The following CCDC171 variants were observed in gnomAD, a reference collection of about 807,000 sequenced individuals.
CCDC171 encodes the protein coiled-coil domain containing 171, also known as coiled-coil domain-containing protein 171.
A neutral mutation model predicts 168.2 loss-of-function variants in CCDC171; 177 were observed. The ratio of observed to expected loss-of-function variants is 1.05; its 90% CI spans 0.93 to 1.19. The LOEUF (loss-of-function observed/expected upper bound fraction) is 1.19, where lower values mean the gene tolerates loss of function less well. Among genes scored for constraint, CCDC171 ranks in the 50% most tolerant of loss-of-function variants. The probability of loss-of-function intolerance (pLI) is 0.00; values close to 1 mark genes in which losing one functional copy is unlikely to be tolerated. For missense variants in CCDC171, 1,991 were observed against 1,539.0 expected (o/e 1.29, Z -4.91); for synonymous variants, 687 against 540.8 (o/e 1.27, Z -3.75).
intron 25 of CCDC171, among the ~76,000 whole-genome samples, chr9:15,952,391 A>G (rs1049382833): frequency 1.3e-5 from 2 of 151,968 alleles, no homozygotes; most frequent in Non-Finnish European, 2.9e-5. Context: ...ATGAGTTTTA[A>G]GATGGATTTT....
At chr9:15,935,686 AT>A (rs1049705647) in intron 25 of CCDC171, among the ~76,000 whole-genome samples, 7 of 152,086 alleles carry the variant, frequency 4.6e-5, no homozygotes, top group African/African-American at 9.7e-5. Context: ...TAATAAAAAA[AT>A]GTATTAGCGT....
At chr9:15,660,619 A>G (rs980059604) in intron 8 of CCDC171, among the ~76,000 whole-genome samples, 17 of 152,186 alleles carry the variant, frequency 1.1e-4, no homozygotes, top group Admixed American at 4.6e-4. Flanking sequence ...AAGGGCTTCC[A>G]GCTGCATCCA....
Position 15,777,840 on chromosome 9 carries a change from T to G in CCDC171, c.2898+14T>G, listed in dbSNP as rs780401745. On this transcript the variant is annotated intron_variant, in intron 19 of 25. Coordinates refer to ENST00000380701, the MANE Select transcript of CCDC171 (RefSeq NM_173550.4). The stretch of plus-strand genomic sequence containing the variant: ...GTGCCCATTACGGTATGTATACACT[T>G]TCATTTAGTAGTAACCTAAGAACTT... The G allele has an allele frequency of 8.5e-6, 13 of 1,529,730 alleles. No homozygotes were observed. Among genetic ancestry groups the G allele is most frequent in the Non-Finnish European group, 1.1e-5 (13 of 1,131,624 alleles). The allele number at this position is 1,529,730 out of a possible 1,614,324, so 94.8% of individuals were successfully genotyped here. A position where few individuals can be genotyped will look rare whatever the true frequency, so the allele number is the denominator to read the frequency against.
intron 18 of CCDC171, among the ~76,000 whole-genome samples, chr9:15,769,524 T>A (rs1268588280): frequency 6.6e-6 from 1 of 152,358 alleles, no homozygotes; most frequent in East Asian, 1.9e-4. Context: ...CGATAGACCA[T>A]GATAATATTA....
chr9:15,604,333 A>G (rs1010476543), intron 6 of CCDC171, among the ~76,000 whole-genome samples: 2 of 152,098 alleles, frequency 1.3e-5, no homozygotes, highest in Admixed American at 6.6e-5. Context: ...CCCTGCCACA[A>G]GCTTTTCTAT....
intron 1 of CCDC171, among the ~76,000 whole-genome samples, chr9:15,555,282 TTAATC>T (rs1418891114): frequency 1.3e-5 from 2 of 152,184 alleles, no homozygotes; most frequent in Non-Finnish European, 2.9e-5. Context: ...CAAAAAAAGA[TTAATC>T]TATTAATACA....
the CCDC171 span, among the ~76,000 whole-genome samples, chr9:16,069,798 C>T: frequency 6.6e-6 from 1 of 152,174 alleles, no homozygotes; most frequent in Non-Finnish European, 1.5e-5. Flanking sequence ...TTGAAGGAGG[C>T]TGACAGTGCC....
intron 3 of CCDC171, among the ~76,000 whole-genome samples, chr9:16,004,596 C>T (rs1470668412): frequency 6.6e-6 from 1 of 152,146 alleles, no homozygotes; most frequent in African/African-American, 2.4e-5. Context: ...CATCGTATGA[C>T]TCTAGGTGTC....
rs2051800019 is a variant in CCDC171 at position 15,702,129 on chromosome 9, G to A, written c.1318+6792G>A. On this transcript the variant is annotated intron_variant, in intron 11 of 25. Coordinates refer to ENST00000380701, the MANE Select transcript of CCDC171 (RefSeq NM_173550.4). The stretch of plus-strand genomic sequence containing the variant: ...AAGTACATTGTCAATGAACAATAAT[G>A]TTTTGAAAGGAATCTTTTTGTGAGT... 2.6e-5 allele frequency among the ~76,000 whole-genome samples: 4 copies of A among 152,136 alleles called. No homozygotes were observed. In the South Asian group the frequency reaches 8.3e-4, roughly 32 times the overall value.
intron 10 of CCDC171, among the ~76,000 whole-genome samples, chr9:15,690,921 C>T (rs1201664649): frequency 6.6e-6 from 1 of 152,064 alleles, no homozygotes; most frequent in African/African-American, 2.4e-5. Context: ...GAAGTAAATG[C>T]ACATTAAATA....
At chr9:15,677,435 A>G (rs1587906828) in intron 9 of CCDC171, among the ~76,000 whole-genome samples, 1 of 152,194 alleles carries the variant, frequency 6.6e-6, no homozygotes, top group East Asian at 1.9e-4. Flanking sequence ...GTCATGTGCT[A>G]CTCAAAAATT....
chr9:15,761,801 G>T (rs574190577), intron 18 of CCDC171, among the ~76,000 whole-genome samples: 5 of 152,134 alleles, frequency 3.3e-5, no homozygotes, highest in Admixed American at 6.5e-5. Context: ...TACAAATTTT[G>T]TGATTTCTTA....
rs149641048 is a variant in CCDC171 at position 15,612,214 on chromosome 9, C to T, written c.676-11053C>T. On this transcript the variant is annotated intron_variant, in intron 6 of 25. Transcript: ENST00000380701. The stretch of plus-strand genomic sequence containing the variant: ...TGGATGGACTAAGACATTGTGCCTC[C>T]AAATTCTGAGCTTTTGTGGCTGTAA... 1.5e-3 allele frequency among the ~76,000 whole-genome samples: 221 copies of T among 152,268 alleles called. 2 individuals carry two copies. Among genetic ancestry groups the T allele is most frequent in the African/African-American group, 4.9e-3 (204 of 41,556 alleles).
Position 15,664,024 on chromosome 9 carries a change from C to G in CCDC171, c.916-2139C>G, listed in dbSNP as rs115178179. On this transcript the variant is annotated intron_variant, in intron 8 of 25. Coordinates refer to ENST00000380701, the MANE Select transcript of CCDC171 (RefSeq NM_173550.4). ...AAACAACTCAGAAACAGTCAAATACCACATGATCTGACTTAGAATTGGGAG... is the reference window on the plus strand; with the variant it reads ...AAACAACTCAGAAACAGTCAAATACGACATGATCTGACTTAGAATTGGGAG... Among the ~76,000 whole-genome samples, 1,041 of 152,198 alleles carry G rather than the reference C, an allele frequency of 6.8e-3. 7 individuals are homozygous for G. Among genetic ancestry groups the G allele is most frequent in the African/African-American group, 0.024 (1,008 of 41,524 alleles).
At chr9:15,631,993 A>G (rs2045752576) in intron 7 of CCDC171, among the ~76,000 whole-genome samples, 1 of 152,212 alleles carries the variant, frequency 6.6e-6, no homozygotes, top group South Asian at 2.1e-4. Flanking sequence ...AAAACTCTCA[A>G]TAAATTAGGT....
intron 4 of CCDC171, among the ~76,000 whole-genome samples, chr9:15,581,976 T>C (rs199923367): frequency 1.3e-5 from 2 of 152,228 alleles, no homozygotes; most frequent in Middle Eastern, 3.4e-3. Context: ...AAAGAAACTA[T>C]CATCAGAATG....
At chr9:15,793,887 A>T (rs978143546) in intron 21 of CCDC171, among the ~76,000 whole-genome samples, 11 of 152,090 alleles carry the variant, frequency 7.2e-5, no homozygotes, top group Non-Finnish European at 7.4e-5. Context: ...CATTTCTAAT[A>T]TTTTATCTAT....
chr9:15,655,318 C>G (rs1587768749), intron 7 of CCDC171, among the ~76,000 whole-genome samples: 1 of 152,262 alleles, frequency 6.6e-6, no homozygotes, highest in Non-Finnish European at 1.5e-5. Flanking sequence ...ACCCCATTGA[C>G]AGATAGGACT....
intron 21 of CCDC171, among the ~76,000 whole-genome samples, chr9:15,844,123 A>G (rs1196439533): frequency 6.6e-6 from 1 of 152,098 alleles, no homozygotes; most frequent in Non-Finnish European, 1.5e-5. Context: ...ATTAGTGGCT[A>G]ACCTGCTGCT....
Sources: allele counts gnomAD v4.1 joint callset (sites outside exome capture counted in the v4.1 genomes callset), GRCh38; gene constraint gnomAD v4.1.1; transcripts MANE v1.5; gene names NCBI Gene and HGNC (gene_info 2026-07-23, HGNC 2026-07-21).